The following CST7 variants were observed in gnomAD, a reference collection of about 807,000 sequenced individuals.
CST7 encodes the protein cystatin F, also known as cystatin-F.
A neutral mutation model predicts 13.1 loss-of-function variants in CST7; 15 were observed. The observed-to-expected ratio is 1.14, with a 90% CI of 0.77 to 1.76. CST7 has a LOEUF of 1.76. CST7 is among the 40% of genes most tolerant of loss of function. The pLI, the probability that CST7 is intolerant of heterozygous loss-of-function variation, is 0.00. For missense variants in CST7, 193 were observed against 178.8 expected, an observed-to-expected ratio of 1.08 and a Z score of -0.45; for synonymous variants, 75 against 66.9, an observed-to-expected ratio of 1.12 and a Z score of -0.59.
At position 24,950,546 on chromosome 20, in the gene CST7, G is replaced by A. The variant is rs186717700; in HGVS notation, c.70+971G>A. 5.2e-4 allele frequency among the ~76,000 whole-genome samples: 79 copies of A among 152,324 alleles called. 1 individual carries two copies. Among genetic ancestry groups the A allele is most frequent in the Non-Finnish European group, 8.1e-4 (55 of 68,024 alleles). Reference sequence around the variant, plus strand: ...GGACGCTGCGACTGAGCAGCCAAGGGGACACGGCAGGCTGGAGGAGGGGCC... The same window carrying A: ...GGACGCTGCGACTGAGCAGCCAAGGAGACACGGCAGGCTGGAGGAGGGGCC... On this transcript the variant is annotated intron_variant, in intron 1 of 3. Coordinates refer to ENST00000480798, the MANE Select transcript of CST7 (RefSeq NM_003650.4).
At chr20:24,959,103 AGG>A (rs2087878627) in intron 3 of CST7, 59 bp downstream of exon 3, 1 of 1,346,362 alleles carries the variant, frequency 7.4e-7, no homozygotes, top group Non-Finnish European at 1.1e-6. Flanking sequence ...ACTCCCTCCC[AGG>A]ACTGTGAAAA....
At chr20:24,950,530 G>A (rs1400566128) in intron 1 of CST7, among the ~76,000 whole-genome samples, 4 of 152,182 alleles carry the variant, frequency 2.6e-5, no homozygotes, top group Non-Finnish European at 4.4e-5. Context: ...CGGACGCTGC[G>A]ACTGAGCAGC....
At chr20:24,956,555 C>T (rs554101759) in intron 1 of CST7, among the ~76,000 whole-genome samples, 5 of 152,264 alleles carry the variant, frequency 3.3e-5, no homozygotes, top group South Asian at 2.1e-4. Context: ...CAGGCCTCCC[C>T]GACCCCAACG....
chr20:24,949,643 G>C, intron 1 of CST7, 68 bp downstream of exon 1: 1 of 1,592,270 alleles, frequency 6.3e-7, no homozygotes, highest in African/African-American at 1.3e-5. Context: ...GGTGCCTTGG[G>C]TCTTCCCCAG....
Position 24,959,913 on chromosome 20 carries a change from T to G in CST7, c.*201T>G, listed in dbSNP as rs2087885365. 1.7e-6 allele frequency: 1 copy of G among 572,568 alleles called. No individual in the cohort carries two copies. Among genetic ancestry groups the G allele is most frequent in the Non-Finnish European group, 3.2e-6 (1 of 316,314 alleles). The allele number at this position is 572,568 out of a possible 1,614,324, so 35.5% of individuals were successfully genotyped here. A position where few individuals can be genotyped will look rare whatever the true frequency, so the allele number is the denominator to read the frequency against. On this transcript the variant is annotated 3_prime_UTR_variant, in exon 4 of 4. Transcript: ENST00000480798. ...TCCTAACAGATTAAATAGATCACAT[T>G]TGCTTCTAAAATTAACTCCTGTTTC...
At chr20:24,959,075 C>A (rs753074395) in intron 3 of CST7, 31 bp downstream of exon 3, 2 of 1,487,432 alleles carry the variant, frequency 1.3e-6, no homozygotes, top group Non-Finnish European at 1.9e-6. Flanking sequence ...CTCAGATGTG[C>A]CCTCTCTTCC....
chr20:24,957,138 TAGGTAAGA>T (rs2087863155), intron 1 of CST7, 141 bp from the exon 2 acceptor site: 4 of 258,766 alleles, frequency 1.5e-5, no homozygotes, highest in East Asian at 8.3e-5. Context: ...GTGACAGGGG[TAGGTAAGA>T]GGGGGAGCAG....
In CST7 at chr20:24,952,595, A is replaced by AC. The variant is rs920240189; in HGVS notation, c.70+3027dup. The stretch of plus-strand genomic sequence containing the variant: ...ACCAGCACCTCTAAGCTGGACTTGC[A>AC]CCCCCCCAACACCCCAGTGCTCAGG... On this transcript the variant is annotated intron_variant, in intron 1 of 3. Transcript: ENST00000480798. 5.9e-5 allele frequency among the ~76,000 whole-genome samples: 9 copies of AC among 151,662 alleles called. No individual in the cohort carries two copies. In the South Asian group the frequency reaches 6.3e-4, roughly 11 times the overall value.
At chr20:24,950,063 G>A (rs1006526418) in intron 1 of CST7, among the ~76,000 whole-genome samples, 1 of 152,204 alleles carries the variant, frequency 6.6e-6, no homozygotes, top group Non-Finnish European at 1.5e-5. Flanking sequence ...CACTCAGGGG[G>A]AGGGGGGACA....
intron 1 of CST7, among the ~76,000 whole-genome samples, chr20:24,957,066 A>AGGGGGGCAGGAGG (rs56412342): frequency 1.5e-4 from 1 of 6,580 alleles, no homozygotes; most frequent in African/African-American, 7.6e-4. Flanking sequence ...AGAACAGGTG[A>AGGGGGGCAGGAGG]GGGGGCAGGT....
chr20:24,959,015 G>C lies in CST7; in HGVS notation c.331G>C (p.Asp111His). ...CCAGCACCTGCGTCTGGATGACTGT[G>C]ACTTCCAAACCAACCACACCTTGAA... The part of the protein sequence containing the change: ...KNQHLRLDDC[D>H]FQTNHTLKQT... The change falls in exon 3 of 4, where the codon GAC becomes CAC. Residue 111 changes from aspartate (D) to histidine (H), a missense_variant. Coordinates refer to ENST00000480798, the MANE Select transcript of CST7 (RefSeq NM_003650.4). The C allele has an allele frequency of 2.5e-6, 4 of 1,613,972 alleles. No individual in the cohort carries two copies. Among genetic ancestry groups the C allele is most frequent in the Non-Finnish European group, 2.5e-6 (3 of 1,179,866 alleles).
At chr20:24,956,743 A>C (rs1019181571) in intron 1 of CST7, among the ~76,000 whole-genome samples, 1 of 151,858 alleles carries the variant, frequency 6.6e-6, no homozygotes, top group Non-Finnish European at 1.5e-5. Context: ...GGACGGCGCC[A>C]TCTCCTTCCG....
intron 1 of CST7, among the ~76,000 whole-genome samples, chr20:24,950,713 CTT>C (rs2087813890): frequency 6.6e-6 from 1 of 152,128 alleles, no homozygotes; most frequent in Admixed American, 6.5e-5. Flanking sequence ...TGGGAGCCTT[CTT>C]AGCTCACGCA....
At chr20:24,957,139 AG>A in intron 1 of CST7, 147 bp from the exon 2 acceptor site, 1 of 269,468 alleles carries the variant, frequency 3.7e-6, no homozygotes, top group Non-Finnish European at 5.5e-6. Context: ...TGACAGGGGT[AG>A]GTAAGAGGGG....
rs1277756665 is a variant in CST7, at chr20:24,958,996, C to A, written c.312C>A (p.His104Gln). 1 of 1,613,922 alleles carries A rather than the reference C, an allele frequency of 6.2e-7. No homozygotes were observed. The highest frequency in any genetic ancestry group is 2.2e-5 in the East Asian group (1 of 44,894). The change falls in exon 3 of 4, where the codon CAC (histidine) becomes CAA (glutamine). Residue 104 changes from histidine (H) to glutamine (Q), a missense_variant. Transcript: ENST00000480798. ...IGRTTCKKNQ[H>Q]LRLDDCDFQT... ...GAACTACCTGCAAGAAAAACCAGCA[C>A]CTGCGTCTGGATGACTGTGACTTCC...
Position 24,958,948 on chromosome 20 carries a change from T to C in CST7, c.264T>C (p.Tyr88=), listed in dbSNP as rs780159527. The change falls in exon 3 of 4, where the codon TAT becomes TAC. Residue 88 remains tyrosine (Y), a synonymous_variant. Transcript: ENST00000480798. ...ALVQIVKGLK[Y]MLEVEIGRTT... is the part of the protein sequence containing the mutation. ...TCCAGATAGTGAAAGGCCTGAAATATATGCTGGAGGTGGAAATTGGCAGAA... is the reference window on the plus strand; with the variant it reads ...TCCAGATAGTGAAAGGCCTGAAATACATGCTGGAGGTGGAAATTGGCAGAA... The C allele has an allele frequency of 1.9e-6, 3 of 1,613,798 alleles. No individual in the cohort carries two copies. The highest frequency in any genetic ancestry group is 1.7e-5 in the Admixed American group (1 of 60,004).
chr20:24,959,574 CG>C, intron 3 of CST7, 60 bp from the exon 4 acceptor site: 3 of 1,531,254 alleles, frequency 2.0e-6, no homozygotes, highest in Middle Eastern at 3.4e-4. Context: ...CACCCCTCCA[CG>C]GGCAGAGGGC....
intron 1 of CST7, among the ~76,000 whole-genome samples, chr20:24,952,481 T>C (rs774024789): frequency 1.7e-4 from 26 of 152,128 alleles, no homozygotes; most frequent in Non-Finnish European, 2.6e-4. Flanking sequence ...AGCGGGCAGG[T>C]GTGGCCCCAA....
At chr20:24,950,689 C>A (rs2087813627) in intron 1 of CST7, among the ~76,000 whole-genome samples, 1 of 151,756 alleles carries the variant, frequency 6.6e-6, no homozygotes, top group South Asian at 2.1e-4. Context: ...CATACCCGGC[C>A]CTGCCTCCCA....
Sources: gnomAD v4.1 joint callset for allele counts (sites outside exome capture counted in the v4.1 genomes callset) on GRCh38, gnomAD v4.1.1 for gene constraint, MANE v1.5 for transcripts, NCBI Gene and HGNC (gene_info 2026-07-23, HGNC 2026-07-21) for gene names.